Variants in TSGA10IP observed in about 807,000 individuals in gnomAD.
TSGA10IP encodes testis-specific protein 10-interacting protein.
A neutral mutation model predicts 63.2 loss-of-function variants in TSGA10IP; 64 were observed. The ratio of observed to expected loss-of-function variants is 1.01; its 90% confidence interval spans 0.83 to 1.25. TSGA10IP has a LOEUF of 1.25. TSGA10IP is among the 50% of genes most tolerant of loss of function. The pLI, the probability that TSGA10IP is intolerant of heterozygous loss-of-function variation, is 0.00. For synonymous variants in TSGA10IP, 316 were observed against 298.3 expected (o/e 1.06, Z -0.61); for missense variants, 681 against 710.1 (o/e 0.96, Z 0.47).
chr11:65,946,948 G>A (rs763584408), exon 2 of TSGA10IP: 3 of 1,614,004 alleles, frequency 1.9e-6, no homozygotes, highest in African/African-American at 1.3e-5. Context: ...GCTCAAGGCA[G>A]ACAGCAAAGA....
intron 5 of TSGA10IP, among the ~76,000 whole-genome samples, chr11:65,958,273 G>C (rs1408062052): frequency 6.6e-6 from 1 of 152,152 alleles, no homozygotes; most frequent in African/African-American, 2.4e-5. Context: ...TGAAAATTGT[G>C]CTTCCCCAGT....
intron 4 of TSGA10IP, among the ~76,000 whole-genome samples, chr11:65,950,388 CTTTATTTA>C (rs60941654): frequency 5.3e-5 from 8 of 151,798 alleles, no homozygotes; most frequent in East Asian, 1.9e-4. Context: ...ATGAGTTTGA[CTTTATTTA>C]TTTATTTATT....
chr11:65,953,525 C>A, intron 4 of TSGA10IP, 42 bp from the exon 5 acceptor site: 1 of 1,501,618 alleles, frequency 6.7e-7, no homozygotes, highest in Non-Finnish European at 8.9e-7. Flanking sequence ...GAGGCTCCTG[C>A]TGCCCGTGAA....
chr11:65,959,797 C>CCT lies in TSGA10IP; in HGVS notation c.1548-17_1548-16dup. ...GGGGTGGGAGCTGCAGAGTCAGGGG[C>CCT]CTCTATCTGTGTCTTGAAGGAGCCA... On this transcript the variant is annotated intron_variant, in intron 7 of 7. Coordinates refer to ENST00000532620, the Ensembl canonical transcript of TSGA10IP. The CCT allele has an allele frequency of 6.5e-7, 1 of 1,546,020 alleles. No individual in the cohort carries two copies. The highest frequency in any genetic ancestry group is 8.7e-7 in the Non-Finnish European group (1 of 1,144,750).
intron 1 of TSGA10IP, 94 bp from the exon 2 acceptor site, chr11:65,946,786 C>G: frequency 1.4e-6 from 2 of 1,453,346 alleles, no homozygotes; most frequent in Non-Finnish European, 1.9e-6. Context: ...CAGCCAGGCC[C>G]AGCCAGGTGC....
At chr11:65,951,970 C>A (rs767052603) in intron 4 of TSGA10IP, among the ~76,000 whole-genome samples, 2 of 152,026 alleles carry the variant, frequency 1.3e-5, no homozygotes, top group Non-Finnish European at 2.9e-5. Flanking sequence ...TTGCCTCAGC[C>A]TCCTGAGTAG....
chr11:65,956,903 G>A (rs1332316466), intron 5 of TSGA10IP, among the ~76,000 whole-genome samples: 2 of 152,178 alleles, frequency 1.3e-5, no homozygotes, highest in African/African-American at 4.8e-5. Flanking sequence ...CAAAAAGAGT[G>A]ATTCAACCTC....
intron 5 of TSGA10IP, among the ~76,000 whole-genome samples, chr11:65,955,141 A>G (rs1371499047): frequency 6.6e-6 from 1 of 152,098 alleles, no homozygotes; most frequent in Non-Finnish European, 1.5e-5. Context: ...GCTCCCTCCA[A>G]GGCAGGAATT....
intron 4 of TSGA10IP, among the ~76,000 whole-genome samples, chr11:65,952,876 T>C (rs865802313): frequency 1.3e-5 from 2 of 151,916 alleles, no homozygotes; most frequent in Non-Finnish European, 2.9e-5. Context: ...TTTGTGGTTC[T>C]ATATTAATTT....
Position 65,945,880 on chromosome 11 carries a change from G to A in TSGA10IP, c.147+58G>A, listed in dbSNP as rs1854822317. ...GCCTAGAGCCAGGTGGGTCAGGGAG[G>A]CCTGGGCTGGGGAGGCCCTTGAGAA... On this transcript the variant is annotated intron_variant, in intron 1 of 7. Transcript: ENST00000532620. The A allele has an allele frequency of 2.5e-6, 4 of 1,584,664 alleles. No homozygotes were observed. The East Asian group carries it at 9.0e-5, about 35-fold the overall frequency.
intron 7 of TSGA10IP, 86 bp downstream of exon 7, chr11:65,959,400 G>T: frequency 6.5e-7 from 1 of 1,539,930 alleles, no homozygotes; most frequent in Non-Finnish European, 8.8e-7. Flanking sequence ...GCTCTGGAGG[G>T]CCTCCCCCAG....
exon 6 of TSGA10IP, chr11:65,958,945 T>C: frequency 1.2e-6 from 2 of 1,613,184 alleles, no homozygotes; most frequent in Non-Finnish European, 1.7e-6. Flanking sequence ...CAGCACAGGG[T>C]GCAGGCCCGG....
intron 1 of TSGA10IP, 112 bp downstream of exon 1, chr11:65,945,934 GA>G (rs891104171): frequency 6.1e-6 from 8 of 1,317,322 alleles, no homozygotes; most frequent in Middle Eastern, 5.1e-4. Flanking sequence ...AGGTCCAGAT[GA>G]AACTCAGGGA....
chr11:65,957,356 G>A (rs1855041877), intron 5 of TSGA10IP, among the ~76,000 whole-genome samples: 1 of 152,068 alleles, frequency 6.6e-6, no homozygotes, highest in African/African-American at 2.4e-5. Context: ...TCACCATGTT[G>A]GCCAGGATGG....
At chr11:65,953,607 C>A in exon 5 of TSGA10IP, 2 of 1,586,088 alleles carry the variant, frequency 1.3e-6, no homozygotes, top group Non-Finnish European at 8.6e-7. Context: ...GCAGGAGGAG[C>A]GGCAGCAGGC....
At chr11:65,951,536 A>ATTATTATTATTATTG (rs1483673293) in intron 4 of TSGA10IP, among the ~76,000 whole-genome samples, 1 of 146,294 alleles carries the variant, frequency 6.8e-6, no homozygotes, top group East Asian at 2.0e-4. Context: ...TATTATTATT[A>ATTATTATTATTATTG]TTATTATTAT....
At position 65,959,749 on chromosome 11, in the gene TSGA10IP, T is replaced by C. The variant is rs1855083878; in HGVS notation, c.1548-68T>C. 17 of 1,499,274 alleles carry C rather than the reference T, an allele frequency of 1.1e-5. No individual in the cohort carries two copies. In the South Asian group the frequency reaches 1.9e-4, roughly 17 times the overall value. 92.9% of individuals were successfully genotyped at this position (1,499,274 alleles called of 1,614,324 possible). A position where few individuals can be genotyped will look rare whatever the true frequency, so the allele number is the denominator to read the frequency against. On this transcript the variant is annotated intron_variant, in intron 7 of 7. Transcript: ENST00000532620. ...ACTGAAGCAGGGTTTGAAGCCACATTGTCAGTGGTTTCCTTGGGCATGGGG... is the reference window on the plus strand; with the variant it reads ...ACTGAAGCAGGGTTTGAAGCCACATCGTCAGTGGTTTCCTTGGGCATGGGG...
chr11:65,948,574 G>A (rs1854887850), intron 4 of TSGA10IP, among the ~76,000 whole-genome samples: 1 of 152,180 alleles, frequency 6.6e-6, no homozygotes, highest in African/African-American at 2.4e-5. Context: ...TACTCAGGAG[G>A]CTGAGGTAGG....
Position 65,947,036 on chromosome 11 carries a change from G to T in TSGA10IP, c.284+20G>T. 1 of 1,613,400 alleles carries T rather than the reference G, an allele frequency of 6.2e-7. No homozygotes were observed. Among genetic ancestry groups the T allele is most frequent in the African/African-American group, 1.3e-5 (1 of 75,034 alleles). ...TGAAGAGTAAGCAGCAGTGGGATGG[G>T]TCAGGAGGCTGTTGGGGGTCAGGGC... On this transcript the variant is annotated intron_variant, in intron 2 of 7. Transcript: ENST00000532620.
Sources: allele counts gnomAD v4.1 joint callset (sites outside exome capture counted in the v4.1 genomes callset), GRCh38; gene constraint gnomAD v4.1.1; transcripts MANE v1.5; gene names NCBI Gene and HGNC (gene_info 2026-07-23, HGNC 2026-07-21).